The following NCAM1 variants were observed in gnomAD, a reference collection of about 807,000 sequenced individuals.
The protein encoded by NCAM1 is neural cell adhesion molecule 1.
In NCAM1, 14 loss-of-function variants were observed where a neutral mutation model predicts 109.8. The observed-to-expected ratio is 0.13, with a 90% confidence interval of 0.08 to 0.20. NCAM1 has a LOEUF of 0.20. Among genes scored for constraint, NCAM1 ranks in the 10% least tolerant of loss-of-function variants. NCAM1 has a pLI of 1.00. For missense variants in NCAM1, 774 were observed against 1,109.9 expected (o/e 0.70, Z 4.30); for synonymous variants, 418 against 442.9 (o/e 0.94, Z 0.70).
chr11:113,182,705 G>C (rs1244592394), intron 1 of NCAM1, among the ~76,000 whole-genome samples: 4 of 152,220 alleles, frequency 2.6e-5, no homozygotes, highest in African/African-American at 9.6e-5. Flanking sequence ...TGGGTGGACT[G>C]TCTGGTTTGG....
chr11:112,965,177 T>C (rs1950698628), intron 1 of NCAM1, among the ~76,000 whole-genome samples: 1 of 152,082 alleles, frequency 6.6e-6, no homozygotes, highest in African/African-American at 2.4e-5. Flanking sequence ...AAACTAAGAA[T>C]ATGTTGATTT....
At chr11:113,201,418 A>G (rs1202698261) in intron 1 of NCAM1, among the ~76,000 whole-genome samples, 1 of 152,208 alleles carries the variant, frequency 6.6e-6, no homozygotes, top group East Asian at 1.9e-4. Context: ...AAGAAGCCCC[A>G]TGCACTGAAC....
At chr11:113,017,091 A>G (rs919776642) in intron 1 of NCAM1, among the ~76,000 whole-genome samples, 14 of 152,208 alleles carry the variant, frequency 9.2e-5, no homozygotes, top group Non-Finnish European at 1.9e-4. Context: ...GCAACAACCT[A>G]TGAATCAGAG....
At chr11:113,177,689 C>T (rs1191888254) in intron 1 of NCAM1, among the ~76,000 whole-genome samples, 10 of 152,258 alleles carry the variant, frequency 6.6e-5, no homozygotes, top group African/African-American at 2.4e-4. Context: ...CTGGCTCAGC[C>T]TCCCAAAGTG....
intron 1 of NCAM1, among the ~76,000 whole-genome samples, chr11:113,108,344 C>T (rs964993932): frequency 2.0e-5 from 3 of 152,162 alleles, no homozygotes; most frequent in Admixed American, 2.0e-4. Flanking sequence ...CTTTGTTCTC[C>T]TAACTTTTAA....
chr11:113,168,725 C>A (rs537688334), intron 1 of NCAM1, among the ~76,000 whole-genome samples: 2 of 152,232 alleles, frequency 1.3e-5, no homozygotes, highest in South Asian at 4.2e-4. Flanking sequence ...GCAATTTGAT[C>A]CAGTTTCTTT....
At chr11:113,120,731 G>A (rs1555095851) in intron 1 of NCAM1, among the ~76,000 whole-genome samples, 1 of 152,120 alleles carries the variant, frequency 6.6e-6, no homozygotes, top group African/African-American at 2.4e-5. Flanking sequence ...AATAACAAAT[G>A]GATTGCATGC....
chr11:113,132,779 A>T (rs1555098644), intron 1 of NCAM1: 1 of 152,268 alleles, frequency 6.6e-6, no homozygotes, highest in Non-Finnish European at 1.5e-5. Context: ...AAGCTATTAC[A>T]GGAATAGGAA....
At chr11:113,083,543 T>C (rs1185469609) in intron 1 of NCAM1, among the ~76,000 whole-genome samples, 2 of 152,202 alleles carry the variant, frequency 1.3e-5, no homozygotes, top group Admixed American at 6.5e-5. Flanking sequence ...GTAATGGAGA[T>C]GCCCTATGGA....
chr11:113,055,978 GATATATATATATATATATATAT>G (rs58693567), intron 1 of NCAM1, among the ~76,000 whole-genome samples: 1,090 of 60,044 alleles, frequency 0.018, 49 homozygotes, highest in African/African-American at 0.046. Flanking sequence ...AAGAAAATGT[GATATATATATATATATATATAT>G]ATATATATAT....
At chr11:113,063,422 G>A (rs1937776365) in intron 1 of NCAM1, among the ~76,000 whole-genome samples, 1 of 152,184 alleles carries the variant, frequency 6.6e-6, no homozygotes, top group Non-Finnish European at 1.5e-5. Flanking sequence ...AAGTCTCCAT[G>A]ACCAGAAGTC....
intron 17 of NCAM1, chr11:113,264,418 G>C (rs1946090927): frequency 1.0e-6 from 1 of 985,284 alleles, no homozygotes; most frequent in Non-Finnish European, 1.2e-6. Context: ...CTGCACAGTA[G>C]CTCAGGCAGG....
chr11:113,141,508 G>A (rs1162630162), intron 1 of NCAM1, among the ~76,000 whole-genome samples: 1 of 152,126 alleles, frequency 6.6e-6, no homozygotes, highest in African/African-American at 2.4e-5. Context: ...AAATAGCTGG[G>A]CGCGGTGGTG....
chr11:112,962,896 G>A lies in NCAM1; in HGVS notation c.52+1232G>A, dbSNP rs4533068. Among the ~76,000 whole-genome samples the A allele has an allele frequency of 0.11, 16,913 of 151,906 alleles. 1,135 individuals are homozygous for A. The highest frequency in any genetic ancestry group is 0.34 in the East Asian group (1,707 of 5,072). On this transcript the variant is annotated intron_variant, in intron 1 of 19. Coordinates refer to ENST00000316851, the MANE Select transcript of NCAM1 (RefSeq NM_181351.5). The surrounding 1 kb of genome is among the most constrained non-coding windows in gnomAD (Gnocchi z 5.6). ...GGGGCGTGTGCTGGGAAGCGATCGA[G>A]GAAAGCCGGGCGGAGGGGCTGTGTG...
intron 1 of NCAM1, among the ~76,000 whole-genome samples, chr11:113,113,943 T>G (rs1555094308): frequency 6.6e-6 from 1 of 152,208 alleles, no homozygotes; most frequent in Non-Finnish European, 1.5e-5. Context: ...CTGCAGAGCC[T>G]TCTCTTCCAG....
intron 14 of NCAM1, among the ~76,000 whole-genome samples, chr11:113,241,964 G>A (rs1239391420): frequency 6.6e-6 from 1 of 152,198 alleles, no homozygotes; most frequent in Admixed American, 6.5e-5. Context: ...CCCATGCAGT[G>A]CTTTTCCAGG....
chr11:113,269,878 T>G (rs1361465023), intron 17 of NCAM1: 5 of 432,210 alleles, frequency 1.2e-5, no homozygotes, highest in Non-Finnish European at 2.1e-5. Flanking sequence ...TCCAACTGCC[T>G]CATTATCCGG....
At chr11:113,101,965 T>A (rs1453481092) in intron 1 of NCAM1, among the ~76,000 whole-genome samples, 25 of 152,228 alleles carry the variant, frequency 1.6e-4, no homozygotes, top group Non-Finnish European at 8.8e-5. Flanking sequence ...GTTCTGTTAG[T>A]TTTTTCTACA....
chr11:113,079,238 T>G (rs1591307133), intron 1 of NCAM1, among the ~76,000 whole-genome samples: 2 of 152,240 alleles, frequency 1.3e-5, no homozygotes, highest in Non-Finnish European at 2.9e-5. Flanking sequence ...AAGCTTTTTA[T>G]GTGCATTATC....
Sources: gnomAD v4.1 joint callset for allele counts (sites outside exome capture counted in the v4.1 genomes callset) on GRCh38, gnomAD v4.1.1 for gene constraint, Gnocchi (gnomAD v3.1) non-coding constraint, MANE v1.5 for transcripts, NCBI Gene and HGNC (gene_info 2026-07-23, HGNC 2026-07-21) for gene names.